Variants in ARHGEF38 observed in about 807,000 individuals in gnomAD.
ARHGEF38 encodes Rho guanine nucleotide exchange factor (GEF) 38.
ARHGEF38 carries 79 observed loss-of-function variants against 79.9 expected under a neutral mutation model. The observed-to-expected ratio is 0.99, with a 90% CI of 0.82 to 1.19. ARHGEF38 has a LOEUF of 1.19. Among genes scored for constraint, ARHGEF38 ranks in the 50% most tolerant of loss-of-function variants. The pLI, the probability that ARHGEF38 is intolerant of heterozygous loss-of-function variation, is 0.00. For missense variants in ARHGEF38, 962 were observed against 907.2 expected (o/e 1.06, Z -0.78); for synonymous variants, 366 against 328.3 (o/e 1.11, Z -1.24).
intron 1 of ARHGEF38, among the ~76,000 whole-genome samples, chr4:105,581,015 A>G (rs1184393262): frequency 6.6e-6 from 1 of 152,094 alleles, no homozygotes; most frequent in Non-Finnish European, 1.5e-5. Context: ...GTAGAGGTCT[A>G]GAGGGCATAA....
At position 105,566,588 on chromosome 4, in the gene ARHGEF38, T is replaced by C. The variant is rs564279600; in HGVS notation, c.196+13627T>C. On this transcript the variant is annotated intron_variant, in intron 1 of 13. Coordinates refer to ENST00000420470, the MANE Select transcript of ARHGEF38 (RefSeq NM_001242729.2). ...TAACCCAGTTATACTCTCTTAGATA[T>C]TTTGAAATGTACAATTAAATTATTT... Among the ~76,000 whole-genome samples the C allele has an allele frequency of 4.2e-4, 64 of 152,270 alleles. 1 individual carries two copies. The South Asian group carries it at 0.013, about 31-fold the overall frequency.
At position 105,678,595 on chromosome 4, in the gene ARHGEF38, G is replaced by A. The variant is rs1218483959; in HGVS notation, c.*658G>A. On this transcript the variant is annotated 3_prime_UTR_variant, in exon 14 of 14. Transcript: ENST00000420470. ...GAATGCACACTATATGCCAGACATT[G>A]TTCTAAGTGCTTTATATGTAGTAAC... 1 of 152,072 alleles carries A rather than the reference G, an allele frequency of 6.6e-6. No individual in the cohort carries two copies. Among genetic ancestry groups the A allele is most frequent in the Non-Finnish European group, 1.5e-5 (1 of 68,002 alleles). 9.4% of individuals were successfully genotyped at this position (152,072 alleles called of 1,614,324 possible). A position where few individuals can be genotyped will look rare whatever the true frequency, so the allele number is the denominator to read the frequency against.
chr4:105,580,914 A>T (rs1726756999), intron 1 of ARHGEF38, among the ~76,000 whole-genome samples: 1 of 152,172 alleles, frequency 6.6e-6, no homozygotes, highest in East Asian at 1.9e-4. Flanking sequence ...ACCTCAAATG[A>T]TCCACCAACC....
chr4:105,573,040 G>A (rs1425609713), intron 1 of ARHGEF38, among the ~76,000 whole-genome samples: 5 of 119,104 alleles, frequency 4.2e-5, no homozygotes, highest in Non-Finnish European at 1.7e-5. Flanking sequence ...ATTTTCTTTG[G>A]AGAAAAATCT....
At chr4:105,588,160 T>C (rs1727148299) in intron 1 of ARHGEF38, among the ~76,000 whole-genome samples, 2 of 152,210 alleles carry the variant, frequency 1.3e-5, no homozygotes. Context: ...CACTGTTTAT[T>C]TTCACTTTCA....
chr4:105,647,888 ATTTTTTTT>A (rs769532644), intron 6 of ARHGEF38, among the ~76,000 whole-genome samples: 1 of 119,580 alleles, frequency 8.4e-6, no homozygotes, highest in African/African-American at 3.2e-5. Context: ...TTTCTTTTCT[ATTTTTTTT>A]TTTTTTTTTT....
At chr4:105,669,597 T>A (rs569564880) in intron 13 of ARHGEF38, among the ~76,000 whole-genome samples, 1 of 152,312 alleles carries the variant, frequency 6.6e-6, no homozygotes, top group South Asian at 2.1e-4. Flanking sequence ...GGTGTTTTTT[T>A]TCAAAAGCAG....
Position 105,552,655 on chromosome 4 carries a change from A to T in ARHGEF38, c.-111A>T. On this transcript the variant is annotated 5_prime_UTR_variant, in exon 1 of 14. Transcript: ENST00000420470. The stretch of plus-strand genomic sequence containing the variant: ...AGGTAACCCTGGAGTGAAGCGGTTT[A>T]GTTAGAAGGGAGCAGATAAACTCGT... 2 of 833,616 alleles carry T rather than the reference A, an allele frequency of 2.4e-6. No homozygotes were observed. The highest frequency in any genetic ancestry group is 3.6e-6 in the Non-Finnish European group (2 of 549,322). The allele number at this position is 833,616 out of a possible 1,614,324, so 51.6% of individuals were successfully genotyped here. A position where few individuals can be genotyped will look rare whatever the true frequency, so the allele number is the denominator to read the frequency against.
At chr4:105,625,342 G>C (rs1480816625) in intron 3 of ARHGEF38, among the ~76,000 whole-genome samples, 1 of 152,214 alleles carries the variant, frequency 6.6e-6, no homozygotes, top group Admixed American at 6.5e-5. Flanking sequence ...ACAGTGAGTA[G>C]ATTAGAATTA....
chr4:105,642,882 A>G (rs970398837), intron 5 of ARHGEF38, among the ~76,000 whole-genome samples: 1 of 152,166 alleles, frequency 6.6e-6, no homozygotes, highest in African/African-American at 2.4e-5. Flanking sequence ...AGCATTTGAT[A>G]ATAAAAATTC....
rs1057254769 is a variant in ARHGEF38 at position 105,592,462 on chromosome 4, T to G, written c.384+3027T>G. On this transcript the variant is annotated intron_variant, in intron 2 of 13. Coordinates refer to ENST00000420470, the MANE Select transcript of ARHGEF38 (RefSeq NM_001242729.2). ...ACTATGGACATTACTACCATTTCTCTCTTCATCGGGCCCAAAGATGCTTTA... is the reference window on the plus strand; with the variant it reads ...ACTATGGACATTACTACCATTTCTCGCTTCATCGGGCCCAAAGATGCTTTA... 7.2e-5 allele frequency among the ~76,000 whole-genome samples: 11 copies of G among 152,142 alleles called. No homozygotes were observed. The Middle Eastern group carries it at 0.017, about 235-fold the overall frequency.
intron 10 of ARHGEF38, among the ~76,000 whole-genome samples, 152 bp downstream of exon 10, chr4:105,659,517 G>A (rs1327864793): frequency 1.3e-5 from 2 of 152,074 alleles, no homozygotes; most frequent in Non-Finnish European, 2.9e-5. Context: ...ATAGTCTCCT[G>A]TTCCTTATCT....
At position 105,666,221 on chromosome 4, in the gene ARHGEF38, A is replaced by C; in HGVS notation, c.1590A>C (p.Val530=). The change falls in exon 11 of 14, where the codon GTA becomes GTC. Residue 530 remains valine (V), a synonymous_variant. Coordinates refer to ENST00000420470, the MANE Select transcript of ARHGEF38 (RefSeq NM_001242729.2). ...GCATTTCTGAGATTCAGAATCAAGT[A>C]CTAGAAGAGATCCAAAATTTGAATT... The part of the protein sequence containing the change: ...VSSISEIQNQ[V]LEEIQNLNCV... 6.5e-7 allele frequency: 1 copy of C among 1,535,356 alleles called. No individual in the cohort carries two copies. The highest frequency in any genetic ancestry group is 8.7e-7 in the Non-Finnish European group (1 of 1,146,620).
At chr4:105,606,739 T>C (rs28536076) in intron 2 of ARHGEF38, among the ~76,000 whole-genome samples, 29,406 of 152,040 alleles carry the variant, frequency 0.19, 3,886 homozygotes, top group African/African-American at 0.37. Flanking sequence ...CAGATGTTCA[T>C]GTTATGTTGT....
chr4:105,639,770 T>C (rs1452154243), intron 5 of ARHGEF38, among the ~76,000 whole-genome samples: 1 of 152,038 alleles, frequency 6.6e-6, no homozygotes, highest in African/African-American at 2.4e-5. Context: ...CTTTTATTTT[T>C]GTAGCTTTAT....
intron 5 of ARHGEF38, among the ~76,000 whole-genome samples, chr4:105,639,394 TA>T (rs1250420733): frequency 6.6e-6 from 1 of 152,044 alleles, no homozygotes; most frequent in African/African-American, 2.4e-5. Flanking sequence ...GCTAAATTTT[TA>T]AATAGACATC....
intron 1 of ARHGEF38, among the ~76,000 whole-genome samples, chr4:105,561,387 AAATAGAGTAGAAT>A (rs1560683850): frequency 1.4e-4 from 2 of 14,632 alleles, no homozygotes; most frequent in East Asian, 1.8e-3. Flanking sequence ...GGAGTCTCAA[AAATAGAGTAGAAT>A]AATAGAATAG....
At chr4:105,670,835 A>G (rs1372101715) in intron 13 of ARHGEF38, among the ~76,000 whole-genome samples, 1 of 152,130 alleles carries the variant, frequency 6.6e-6, no homozygotes, top group Non-Finnish European at 1.5e-5. Context: ...TTATCAGCAC[A>G]CTCTAAAGCT....
In ARHGEF38 at chr4:105,676,181, T is replaced by G. The variant is rs191778627; in HGVS notation, c.2149-1571T>G. On this transcript the variant is annotated intron_variant, in intron 13 of 13. Transcript: ENST00000420470. Reference sequence around the variant, plus strand: ...TAATGAAGTAATGAAGTCATCTTATTTCTCATAGTTTCCCTTACCTATTGA... The same window carrying G: ...TAATGAAGTAATGAAGTCATCTTATGTCTCATAGTTTCCCTTACCTATTGA... Among the ~76,000 whole-genome samples, 606 of 152,356 alleles carry G rather than the reference T, an allele frequency of 4.0e-3. 5 individuals are homozygous for G. The highest frequency in any genetic ancestry group is 0.014 in the African/African-American group (570 of 41,580).
Sources: allele counts gnomAD v4.1 joint callset (sites outside exome capture counted in the v4.1 genomes callset), GRCh38; gene constraint gnomAD v4.1.1; transcripts MANE v1.5; gene names NCBI Gene and HGNC (gene_info 2026-07-23, HGNC 2026-07-21).